Variants in OSBPL3 observed in about 807,000 individuals in gnomAD.
OSBPL3 encodes oxysterol-binding protein-related protein 3.
Under a neutral mutation model 120.1 loss-of-function variants are expected in OSBPL3, and 65 were observed. The ratio of observed to expected loss-of-function variants is 0.54; its 90% CI spans 0.44 to 0.67. OSBPL3 has a LOEUF of 0.67. Among genes scored for constraint, OSBPL3 ranks in the 30% least tolerant of loss-of-function variants. OSBPL3 has a pLI of 0.00. For synonymous variants in OSBPL3, 416 were observed against 402.6 expected, an observed-to-expected ratio of 1.03 and a Z score of -0.40; for missense variants, 1,004 against 1,082.1, an observed-to-expected ratio of 0.93 and a Z score of 1.01.
intron 19 of OSBPL3, among the ~76,000 whole-genome samples, chr7:24,814,478 G>C (rs558069054): frequency 3.6e-4 from 54 of 151,810 alleles, no homozygotes; most frequent in African/African-American, 1.3e-3. Flanking sequence ...AAAAAGTCTG[G>C]TAAACCATAC....
At position 24,852,604 on chromosome 7, in the gene OSBPL3, A is replaced by G. The variant is rs755211174; in HGVS notation, c.1058T>C (p.Ile353Thr). ...CAGTTTCTCTCTCTCCGCTGACATG[A>G]TATTAAAAGCTGACCTTAAAGTGAA... ...VYFTLRSAFN[I>T]MSAEREKLKQ... The change falls in exon 11 of 23, where the codon ATC becomes ACC. Residue 353 changes from isoleucine to threonine, a missense_variant. By Grantham distance (89) the Ile-to-Thr change is moderately conservative. This residue lies in a region of OSBPL3 where 272 missense variants were observed against 248.8 expected (regional missense o/e 1.09). Coordinates refer to ENST00000313367, the MANE Select transcript of OSBPL3 (RefSeq NM_015550.4). This position sits in a 1 kb window ranked among gnomAD's most constrained non-coding sequence, Gnocchi z 4.1. 39 of 1,605,440 alleles carry G rather than the reference A, an allele frequency of 2.4e-5. No homozygotes were observed. The highest frequency in any genetic ancestry group is 3.4e-5 in the South Asian group (3 of 89,500).
chr7:24,951,374 T>C (rs908615148), intron 1 of OSBPL3, among the ~76,000 whole-genome samples: 4 of 152,172 alleles, frequency 2.6e-5, no homozygotes, highest in Admixed American at 6.5e-5. Flanking sequence ...TATATGTAAC[T>C]TCATATTCCT....
chr7:24,919,085 G>C (rs142944296), intron 1 of OSBPL3, among the ~76,000 whole-genome samples: 121 of 152,174 alleles, frequency 8.0e-4, no homozygotes, highest in African/African-American at 2.8e-3. Flanking sequence ...TATAAATACC[G>C]AGCTTAGATC....
At chr7:24,969,592 T>G (rs1282890617) in intron 1 of OSBPL3, among the ~76,000 whole-genome samples, 1 of 152,180 alleles carries the variant, frequency 6.6e-6, no homozygotes, top group Non-Finnish European at 1.5e-5. Context: ...TGTTTTAAAG[T>G]TTTGATCCAT....
chr7:24,852,353 C>T lies in OSBPL3; in HGVS notation c.1158+151G>A. 1.7e-6 allele frequency: 1 copy of T among 595,376 alleles called. No homozygotes were observed. The highest frequency in any genetic ancestry group is 3.3e-5 in the East Asian group (1 of 30,002). The allele number at this position is 595,376 out of a possible 1,614,324, so 36.9% of individuals were successfully genotyped here. A position where few individuals can be genotyped will look rare whatever the true frequency, so the allele number is the denominator to read the frequency against. Reference sequence around the variant, plus strand: ...CTTGGATAGGTAAGTTTTGGTGTTTCAAATAAGCAGATTTGATGAAAGGTT... The same window carrying T: ...CTTGGATAGGTAAGTTTTGGTGTTTTAAATAAGCAGATTTGATGAAAGGTT... On this transcript the variant is annotated intron_variant, in intron 11 of 22. Transcript: ENST00000313367. This position sits in a 1 kb window ranked among gnomAD's most constrained non-coding sequence, Gnocchi z 4.1.
chr7:24,825,020 G>A (rs970384372), intron 16 of OSBPL3, among the ~76,000 whole-genome samples: 13 of 152,234 alleles, frequency 8.5e-5, no homozygotes, highest in African/African-American at 3.1e-4. Flanking sequence ...TAGGAGAAGT[G>A]TCTGAGGGTG....
intron 10 of OSBPL3, among the ~76,000 whole-genome samples, chr7:24,856,270 G>A (rs549348558): frequency 3.2e-4 from 48 of 152,086 alleles, no homozygotes; most frequent in South Asian, 1.7e-3. Flanking sequence ...CATAAGCGTC[G>A]TACAAGTGAC....
rs1799116032 is a variant in OSBPL3 at position 24,851,237 on chromosome 7, C to T, written c.1158+1267G>A. On this transcript the variant is annotated intron_variant, in intron 11 of 22. Coordinates refer to ENST00000313367, the MANE Select transcript of OSBPL3 (RefSeq NM_015550.4). The surrounding 1 kb of genome is among the most constrained non-coding windows in gnomAD (Gnocchi z 4.1). ...TTCTGCTTCTCTCAAACCAAAATGG[C>T]ACCAGTGTATGGCTGTCTTGTACAA... is the stretch of plus-strand genomic sequence containing the variant. 6.6e-6 allele frequency among the ~76,000 whole-genome samples: 1 copy of T among 152,184 alleles called. No individual in the cohort carries two copies. Among genetic ancestry groups the T allele is most frequent in the South Asian group, 2.1e-4 (1 of 4,814 alleles).
intron 1 of OSBPL3, among the ~76,000 whole-genome samples, chr7:24,927,511 G>T (rs1811210815): frequency 6.6e-6 from 1 of 152,138 alleles, no homozygotes; most frequent in African/African-American, 2.4e-5. Flanking sequence ...GGTGACTAAA[G>T]AAGAATTAAT....
In OSBPL3 at chr7:24,813,811, C is replaced by T. The variant is rs1794131946; in HGVS notation, c.2172+1248G>A. On this transcript the variant is annotated intron_variant, in intron 19 of 22. Coordinates refer to ENST00000313367, the MANE Select transcript of OSBPL3 (RefSeq NM_015550.4). The surrounding 1 kb of genome is among the most constrained non-coding windows in gnomAD (Gnocchi z 4.5). ...TTTAACTACATACAATTTTTAAGAG[C>T]AAGAAGGAATCTAGGAGGGAGAGAA... Among the ~76,000 whole-genome samples the T allele has an allele frequency of 2.0e-5, 3 of 152,112 alleles. No homozygotes were observed. The highest frequency in any genetic ancestry group is 2.0e-4 in the Admixed American group (3 of 15,268).
At chr7:24,960,328 T>A (rs1815577486) in intron 1 of OSBPL3, among the ~76,000 whole-genome samples, 1 of 152,170 alleles carries the variant, frequency 6.6e-6, no homozygotes, top group South Asian at 2.1e-4. Context: ...TATAAATGAA[T>A]GAGAAACCTA....
intron 1 of OSBPL3, among the ~76,000 whole-genome samples, chr7:24,905,756 C>T (rs1807808449): frequency 6.6e-6 from 1 of 152,168 alleles, no homozygotes; most frequent in Non-Finnish European, 1.5e-5. Context: ...AGTGGCCAGG[C>T]GTGGTGGCTC....
chr7:24,816,861 T>C (rs1027271163), intron 17 of OSBPL3, among the ~76,000 whole-genome samples, 173 bp from the exon 18 acceptor site: 3 of 152,190 alleles, frequency 2.0e-5, no homozygotes, highest in Non-Finnish European at 4.4e-5. Context: ...TATGGGCCCT[T>C]GGAGCAGAAT....
chr7:24,954,966 A>T (rs1018472777), intron 1 of OSBPL3, among the ~76,000 whole-genome samples: 8 of 152,176 alleles, frequency 5.3e-5, no homozygotes, highest in African/African-American at 1.7e-4. Context: ...CAGGGCAGGC[A>T]AGGGAAATGT....
chr7:24,951,640 C>T (rs1164512987), intron 1 of OSBPL3, among the ~76,000 whole-genome samples: 1 of 152,160 alleles, frequency 6.6e-6, no homozygotes, highest in African/African-American at 2.4e-5. Context: ...CCCAAGTTCC[C>T]CAATTTAATG....
chr7:24,904,930 T>C (rs996707030), intron 1 of OSBPL3, among the ~76,000 whole-genome samples: 6 of 149,070 alleles, frequency 4.0e-5, no homozygotes, highest in Non-Finnish European at 8.9e-5. Context: ...TGTGTGTGTG[T>C]GTGTGTGTGT....
chr7:24,916,030 A>G lies in OSBPL3; in HGVS notation c.-149-23409T>C, dbSNP rs1366163732. Among the ~76,000 whole-genome samples, 1 of 152,220 alleles carries G rather than the reference A, an allele frequency of 6.6e-6. No individual in the cohort carries two copies. Among genetic ancestry groups the G allele is most frequent in the Non-Finnish European group, 1.5e-5 (1 of 68,048 alleles). ...ACAAAACAAAAATAAAACAAGCAGC[A>G]TACATCAGAAAGCCAGGCAGGGACA... On this transcript the variant is annotated intron_variant, in intron 1 of 22. Coordinates refer to ENST00000313367, the MANE Select transcript of OSBPL3 (RefSeq NM_015550.4). This position sits in a 1 kb window ranked among gnomAD's most constrained non-coding sequence, Gnocchi z 4.9.
At chr7:24,868,523 G>C (rs1801678065) in intron 5 of OSBPL3, among the ~76,000 whole-genome samples, 1 of 151,856 alleles carries the variant, frequency 6.6e-6, no homozygotes. Context: ...GAAAAGTTCA[G>C]GTCAATCTGT....
Position 24,916,365 on chromosome 7 carries a change from T to C in OSBPL3, c.-149-23744A>G, listed in dbSNP as rs1461542841. On this transcript the variant is annotated intron_variant, in intron 1 of 22. Coordinates refer to ENST00000313367, the MANE Select transcript of OSBPL3 (RefSeq NM_015550.4). This position sits in a 1 kb window ranked among gnomAD's most constrained non-coding sequence, Gnocchi z 4.9. ...TGTACAGAGGCATGGCTGAAATAAA[T>C]GTTAACATTTGTTATCTTCCGCTTG... is the stretch of plus-strand genomic sequence containing the variant. Among the ~76,000 whole-genome samples the C allele has an allele frequency of 6.6e-6, 1 of 152,226 alleles. No homozygotes were observed. The highest frequency in any genetic ancestry group is 2.4e-5 in the African/African-American group (1 of 41,460).
Sources: gnomAD v4.1 joint callset for allele counts (sites outside exome capture counted in the v4.1 genomes callset) on GRCh38, gnomAD v4.1.1 for gene constraint, gnomAD v4.1.1 regional missense constraint, Gnocchi (gnomAD v3.1) non-coding constraint, MANE v1.5 for transcripts, NCBI Gene and HGNC (gene_info 2026-07-23, HGNC 2026-07-21) for gene names.